The following ZNF75D variants were observed in gnomAD, a reference collection of about 807,000 sequenced individuals.
The protein encoded by ZNF75D is zinc finger protein 75D, also known as zinc finger protein 75.
In ZNF75D, 33 loss-of-function variants were observed where a neutral mutation model predicts 33.3. The ratio of observed to expected loss-of-function variants is 0.99; its 90% confidence interval spans 0.75 to 1.32. The LOEUF is 1.32. Among genes scored for constraint, ZNF75D ranks in the 40% most tolerant of loss-of-function variants. The probability of loss-of-function intolerance (pLI) is 0.00; values close to 1 mark genes in which losing one functional copy is unlikely to be tolerated. For missense variants in ZNF75D, 338 were observed against 367.5 expected (o/e 0.92, Z 0.66); for synonymous variants, 113 against 130.6 (o/e 0.87, Z 0.92).
intron 6 of ZNF75D, among the ~76,000 whole-genome samples, chrX:135,289,051 T>C (rs1341750452): frequency 8.9e-6 from 1 of 112,802 alleles, no homozygotes; most frequent in Non-Finnish European, 1.9e-5. Flanking sequence ...CTAGATTTAC[T>C]ACCATGTGCC....
chrX:135,261,028 T>C (rs4556250), intron 1 of ZNF75D, among the ~76,000 whole-genome samples: 23,566 of 111,721 alleles, frequency 0.21, 2,038 homozygotes, highest in Middle Eastern at 0.37. Context: ...AAGAACATCT[T>C]TATTTCCGCC....
chrX:135,287,064 C>G lies in ZNF75D; in HGVS notation c.*73G>C. 1.2e-6 allele frequency: 1 copy of G among 847,629 alleles called. No homozygotes were observed. The highest frequency in any genetic ancestry group is 1.7e-6 in the Non-Finnish European group (1 of 586,675). 69.9% of individuals were successfully genotyped at this position (847,629 alleles called of 1,213,427 possible). Reference sequence around the variant, plus strand: ...CCAAATGTTTTATTAATCACAGATTCCTATCATTGGGTGCCTCATAATTTT... The same window carrying G: ...CCAAATGTTTTATTAATCACAGATTGCTATCATTGGGTGCCTCATAATTTT... On this transcript the variant is annotated 3_prime_UTR_variant, in exon 7 of 7. Transcript: ENST00000370766.
At chrX:135,271,391 C>A (rs2083882535) in intron 1 of ZNF75D, among the ~76,000 whole-genome samples, 1 of 111,773 alleles carries the variant, frequency 8.9e-6, no homozygotes, top group African/African-American at 3.3e-5. Flanking sequence ...AAAAGCCATT[C>A]ATGATGAATG....
intron 1 of ZNF75D, among the ~76,000 whole-genome samples, chrX:135,321,415 G>A (rs2084493753): frequency 8.9e-6 from 1 of 112,162 alleles, no homozygotes; most frequent in African/African-American, 3.2e-5. Context: ...TTAGAAAGAG[G>A]AAACATTGTT....
chrX:135,333,583 C>T (rs1330431622), intron 1 of ZNF75D, among the ~76,000 whole-genome samples: 4 of 111,919 alleles, frequency 3.6e-5, no homozygotes, highest in Non-Finnish European at 5.6e-5. Context: ...CTTATATTAT[C>T]ATAGGGTGAG....
intron 1 of ZNF75D, among the ~76,000 whole-genome samples, chrX:135,311,830 T>C (rs949664676): frequency 8.9e-6 from 1 of 111,952 alleles, no homozygotes. Flanking sequence ...CTTAGCAAAA[T>C]GTCCCCTAGG....
At chrX:135,263,932 C>G (rs2083853306) in intron 1 of ZNF75D, among the ~76,000 whole-genome samples, 1 of 112,147 alleles carries the variant, frequency 8.9e-6, no homozygotes, top group African/African-American at 3.2e-5. Flanking sequence ...GAAGCTGTTC[C>G]TATTTGGCCA....
At chrX:135,272,466 A>C (rs782568149) in intron 1 of ZNF75D, among the ~76,000 whole-genome samples, 1 of 109,348 alleles carries the variant, frequency 9.1e-6, no homozygotes, top group East Asian at 2.9e-4. Context: ...CTGTGTGTCG[A>C]AGTCATTTGA....
intron 1 of ZNF75D, among the ~76,000 whole-genome samples, chrX:135,300,257 T>C (rs1394851637): frequency 9.0e-6 from 1 of 111,619 alleles, no homozygotes; most frequent in Non-Finnish European, 1.9e-5. Flanking sequence ...CCCTTTCTTA[T>C]ACAAAGAAGC....
At position 135,266,136 on chromosome X, in the gene ZNF75D, T is replaced by A. The variant is rs782768342; in HGVS notation, n.828-10359A>T. ...AAAACATATAACACATACACAAAAA[T>A]AAAATGCAAGAAATTAAAACATACA... is the stretch of plus-strand genomic sequence containing the variant. On this transcript the variant is annotated intron_variant and non_coding_transcript_variant, in intron 1 of 3. Coordinates refer to the ZNF75D transcript ENST00000494295. Among the ~76,000 whole-genome samples the A allele has an allele frequency of 2.7e-5, 3 of 110,488 alleles. No homozygotes were observed. The South Asian group carries it at 1.1e-3, about 42-fold the overall frequency.
At chrX:135,328,728 C>A (rs1000701019) in intron 1 of ZNF75D, among the ~76,000 whole-genome samples, 10 of 112,376 alleles carry the variant, frequency 8.9e-5, no homozygotes, top group Admixed American at 1.9e-4. Flanking sequence ...CAAGGAGAAC[C>A]TCTTAAAGTC....
At chrX:135,277,130 T>C (rs1556417722) in intron 1 of ZNF75D, among the ~76,000 whole-genome samples, 1 of 112,464 alleles carries the variant, frequency 8.9e-6, no homozygotes, top group Non-Finnish European at 1.9e-5. Context: ...CATTCCTATT[T>C]CTCCATATCC....
downstream of ZNF75D, among the ~76,000 whole-genome samples, chrX:135,284,030 C>G (rs1556418954): frequency 3.6e-5 from 4 of 111,950 alleles, no homozygotes; most frequent in African/African-American, 1.3e-4. Flanking sequence ...TTTCTCTGCT[C>G]AGCTCATCTT....
At chrX:135,324,052 T>C (rs1556436183) in intron 1 of ZNF75D, among the ~76,000 whole-genome samples, 2 of 109,685 alleles carry the variant, frequency 1.8e-5, no homozygotes, top group East Asian at 5.7e-4. Context: ...TTTTAAGAGG[T>C]TTATTACTCA....
intron 1 of ZNF75D, among the ~76,000 whole-genome samples, chrX:135,312,362 T>C (rs1602634639): frequency 1.8e-5 from 2 of 111,495 alleles, no homozygotes; most frequent in South Asian, 3.8e-4. Flanking sequence ...TCCATGGGTG[T>C]ATATACACTA....
intron 3 of ZNF75D, among the ~76,000 whole-genome samples, chrX:135,292,806 A>C (rs2084066117): frequency 8.9e-6 from 1 of 111,912 alleles, no homozygotes; most frequent in South Asian, 3.7e-4. Flanking sequence ...TCACTGGTTT[A>C]CTTTCTTGAC....
At position 135,287,618 on chromosome X, in the gene ZNF75D, AG is replaced by A. The variant is rs782219420; in HGVS notation, c.1051del (p.Met352TrpfsTer62). On this transcript the variant is annotated frameshift_variant, in exon 7 of 7. Transcript: ENST00000370766. LOFTEE classifies it high-confidence loss of function. ...GGGGCCTTTCCCATGAAGATCCATA[AG>A]TTTTGGAAGCTCTTGTTTACAAGTT... ...PATCKQELPK[L>X]MDLHGKGPTG... 1.7e-6 allele frequency: 2 copies of A among 1,210,086 alleles called. No individual in the cohort carries two copies. The highest frequency in any genetic ancestry group is 5.9e-5 in the East Asian group (2 of 33,836).
chrX:135,265,170 G>A, intron 1 of ZNF75D, among the ~76,000 whole-genome samples: 1 of 107,729 alleles, frequency 9.3e-6, no homozygotes, highest in Non-Finnish European at 1.9e-5. Flanking sequence ...AGTGAGCTGA[G>A]TTCACGCCAT....
chrX:135,293,462 T>G (rs1409328774), intron 3 of ZNF75D, among the ~76,000 whole-genome samples: 2 of 111,602 alleles, frequency 1.8e-5, no homozygotes, highest in African/African-American at 6.5e-5. Context: ...TCCTTGCCCA[T>G]GCCAGACTAG....
Sources: allele counts gnomAD v4.1 joint callset (sites outside exome capture counted in the v4.1 genomes callset), GRCh38; gene constraint gnomAD v4.1.1; transcripts MANE v1.5; gene names NCBI Gene and HGNC (gene_info 2026-07-23, HGNC 2026-07-21).